The following SYNJ2BP variants were observed in gnomAD, a reference collection of about 807,000 sequenced individuals.
The protein encoded by SYNJ2BP is synaptojanin 2 binding protein, also known as synaptojanin-2-binding protein.
A neutral mutation model predicts 16.9 loss-of-function variants in SYNJ2BP; 10 were observed. The observed-to-expected ratio is 0.59, with a 90% CI of 0.36 to 1.00. The LOEUF (loss-of-function observed/expected upper bound fraction) is 1.00, where lower values mean the gene tolerates loss of function less well. Among genes scored for constraint, SYNJ2BP ranks in the 50% least tolerant of loss-of-function variants. SYNJ2BP has a pLI of 0.01. For synonymous variants in SYNJ2BP, 54 were observed against 68.4 expected (o/e 0.79, Z 1.04); for missense variants, 162 against 186.7 (o/e 0.87, Z 0.77).
chr14:70,384,446 A>ATTAACT (rs1483641095), intron 2 of SYNJ2BP, among the ~76,000 whole-genome samples: 2 of 151,742 alleles, frequency 1.3e-5, no homozygotes, highest in Non-Finnish European at 2.9e-5. Flanking sequence ...TTTCATAGTT[A>ATTAACT]TGGCCTAGAA....
rs1041725902 is a variant in SYNJ2BP, at chr14:70,371,566, G to A, written c.*1425C>T. 1.3e-5 allele frequency: 2 copies of A among 152,202 alleles called. No individual in the cohort carries two copies. The highest frequency in any genetic ancestry group is 2.9e-5 in the Non-Finnish European group (2 of 68,116). 9.4% of individuals were successfully genotyped at this position (152,202 alleles called of 1,614,324 possible). On this transcript the variant is annotated 3_prime_UTR_variant, in exon 4 of 4. Coordinates refer to ENST00000256366, the MANE Select transcript of SYNJ2BP (RefSeq NM_018373.3). ...CCTGAGTAGCTGGAATTACAGGAAC[G>A]CGCCACCATGTCCAGGTAATTTTTG...
At chr14:70,406,481 A>G (rs1454784160) in intron 1 of SYNJ2BP, among the ~76,000 whole-genome samples, 1 of 152,216 alleles carries the variant, frequency 6.6e-6, no homozygotes, top group East Asian at 1.9e-4. Context: ...TGGGGACTAT[A>G]CTGCCGTTGC....
At chr14:70,415,377 C>T (rs1026650140) in intron 1 of SYNJ2BP, among the ~76,000 whole-genome samples, 3 of 151,232 alleles carry the variant, frequency 2.0e-5, no homozygotes, top group African/African-American at 7.3e-5. Flanking sequence ...AGTGAAACAT[C>T]GTCTCTACCA....
chr14:70,394,609 AT>A (rs1347284028), intron 1 of SYNJ2BP, among the ~76,000 whole-genome samples: 2 of 152,128 alleles, frequency 1.3e-5, no homozygotes, highest in Non-Finnish European at 2.9e-5. Context: ...TAGCATAAGA[AT>A]GACACCACTA....
intron 1 of SYNJ2BP, among the ~76,000 whole-genome samples, chr14:70,398,986 C>T (rs947649962): frequency 6.6e-6 from 1 of 152,138 alleles, no homozygotes; most frequent in African/African-American, 2.4e-5. Flanking sequence ...CTGGCCATCA[C>T]AAGTGTCAGG....
At chr14:70,385,413 C>G (rs977611262) in intron 2 of SYNJ2BP, among the ~76,000 whole-genome samples, 22 of 152,044 alleles carry the variant, frequency 1.4e-4, no homozygotes, top group African/African-American at 5.3e-4. Context: ...CTGGAGTGCG[C>G]TGGCATGATC....
chr14:70,401,553 A>AC (rs1888238069), intron 1 of SYNJ2BP, among the ~76,000 whole-genome samples: 1 of 121,380 alleles, frequency 8.2e-6, no homozygotes, highest in Admixed American at 9.0e-5. Flanking sequence ...GTCAATTGAG[A>AC]CCCCTTTTTA....
chr14:70,384,972 T>TC (rs990291213), intron 2 of SYNJ2BP, among the ~76,000 whole-genome samples: 8 of 152,226 alleles, frequency 5.3e-5, no homozygotes, highest in African/African-American at 1.9e-4. Flanking sequence ...CCCTGGCTTT[T>TC]CCCCTCTCTT....
intron 1 of SYNJ2BP, among the ~76,000 whole-genome samples, chr14:70,399,234 A>G (rs1888177659): frequency 6.6e-6 from 1 of 152,100 alleles, no homozygotes; most frequent in Non-Finnish European, 1.5e-5. Flanking sequence ...GCACTGCCCC[A>G]GGCCCACCCT....
chr14:70,372,614 A>G lies in SYNJ2BP; in HGVS notation c.*377T>C, dbSNP rs1264542097. On this transcript the variant is annotated 3_prime_UTR_variant, in exon 4 of 4. Coordinates refer to ENST00000256366, the MANE Select transcript of SYNJ2BP (RefSeq NM_018373.3). ...CCCAAGGAAGATCATTAAAAAGAAA[A>G]ATCCTTTCTTCCTCTAATATCACAT... 6.1e-6 allele frequency: 1 copy of G among 165,210 alleles called. No homozygotes were observed. Among genetic ancestry groups the G allele is most frequent in the Admixed American group, 6.2e-5 (1 of 16,022 alleles). The allele number at this position is 165,210 out of a possible 1,614,324, so 10.2% of individuals were successfully genotyped here.
intron 2 of SYNJ2BP, among the ~76,000 whole-genome samples, chr14:70,384,505 A>T (rs182281366): frequency 3.0e-4 from 45 of 152,332 alleles, no homozygotes; most frequent in African/African-American, 9.9e-4. Flanking sequence ...TAAGTGATGG[A>T]ACAGGCTGTT....
At chr14:70,395,496 A>T (rs1261563965) in intron 1 of SYNJ2BP, among the ~76,000 whole-genome samples, 5 of 149,382 alleles carry the variant, frequency 3.3e-5, no homozygotes, top group African/African-American at 5.0e-5. Flanking sequence ...TCTGTCTTTT[A>T]TGAAGACTAG....
chr14:70,367,862 G>A lies in SYNJ2BP; in HGVS notation c.*5129C>T, dbSNP rs942508052. On this transcript the variant is annotated 3_prime_UTR_variant, in exon 4 of 4. Coordinates refer to ENST00000256366, the MANE Select transcript of SYNJ2BP (RefSeq NM_018373.3). ...AAATATTCCTCCACTTTCATATGCT[G>A]AGCAATTTCAGCTTAGAGTGACTAA... 6.6e-6 allele frequency: 1 copy of A among 152,048 alleles called. No homozygotes were observed. Among genetic ancestry groups the A allele is most frequent in the African/African-American group, 2.4e-5 (1 of 41,390 alleles). The allele number at this position is 152,048 out of a possible 1,614,324, so 9.4% of individuals were successfully genotyped here.
At chr14:70,405,727 C>G (rs1479459463) in intron 1 of SYNJ2BP, among the ~76,000 whole-genome samples, 3 of 152,158 alleles carry the variant, frequency 2.0e-5, no homozygotes, top group Non-Finnish European at 2.9e-5. Context: ...TAACAACATA[C>G]TGATGCAAAG....
chr14:70,397,069 T>A (rs929579356), intron 1 of SYNJ2BP, among the ~76,000 whole-genome samples: 1 of 152,224 alleles, frequency 6.6e-6, no homozygotes, highest in African/African-American at 2.4e-5. Context: ...TCGAAGGTAT[T>A]GAAGCTTTTT....
In SYNJ2BP at chr14:70,369,590, A is replaced by G. The variant is rs1887473889; in HGVS notation, c.*3401T>C. 6.6e-6 allele frequency: 1 copy of G among 152,200 alleles called. No homozygotes were observed. Among genetic ancestry groups the G allele is most frequent in the Non-Finnish European group, 1.5e-5 (1 of 68,024 alleles). The allele number at this position is 152,200 out of a possible 1,614,324, so 9.4% of individuals were successfully genotyped here. On this transcript the variant is annotated 3_prime_UTR_variant, in exon 4 of 4. Transcript: ENST00000256366. The stretch of plus-strand genomic sequence containing the variant: ...TTCTCTCATTTTTAGTCTCTTTGTG[A>G]CAATACTTAGATCCCAGAGTTATGA...
chr14:70,409,766 A>T (rs1310930764), intron 1 of SYNJ2BP, among the ~76,000 whole-genome samples: 7 of 152,156 alleles, frequency 4.6e-5, no homozygotes, highest in Non-Finnish European at 8.8e-5. Context: ...AACCATGTTT[A>T]CCACTTTTTG....
At chr14:70,408,783 A>G (rs187846383) in intron 1 of SYNJ2BP, among the ~76,000 whole-genome samples, 2 of 152,334 alleles carry the variant, frequency 1.3e-5, no homozygotes, top group East Asian at 3.9e-4. Flanking sequence ...TGACTTGCAC[A>G]AGGTCACACA....
chr14:70,373,254 T>A, intron 3 of SYNJ2BP, 123 bp from the exon 4 acceptor site: 1 of 1,261,662 alleles, frequency 7.9e-7, no homozygotes, highest in African/African-American at 1.5e-5. Flanking sequence ...CCCCCAGCAA[T>A]ACCTAGCAGA....
Sources: gnomAD v4.1 joint callset for allele counts (sites outside exome capture counted in the v4.1 genomes callset) on GRCh38, gnomAD v4.1.1 for gene constraint, MANE v1.5 for transcripts, NCBI Gene and HGNC (gene_info 2026-07-23, HGNC 2026-07-21) for gene names.